The following AGAP1 variants were observed in gnomAD, a reference collection of about 807,000 sequenced individuals.
The protein encoded by AGAP1 is ArfGAP with GTPase domain, ankyrin repeat and PH domain 1, also known as arf-GAP with GTPase, ANK repeat and PH domain-containing protein 1.
A neutral mutation model predicts 105.3 loss-of-function variants in AGAP1; 29 were observed. The observed-to-expected ratio is 0.28, with a 90% confidence interval of 0.21 to 0.38. AGAP1 has a LOEUF of 0.38. AGAP1 is among the 10% of genes least tolerant of loss of function. The probability of loss-of-function intolerance (pLI) is 1.00; values close to 1 mark genes in which losing one functional copy is unlikely to be tolerated. For missense variants in AGAP1, 998 were observed against 1,165.1 expected (o/e 0.86, Z 2.09); for synonymous variants, 509 against 485.9 (o/e 1.05, Z -0.63).
intron 6 of AGAP1, among the ~76,000 whole-genome samples, chr2:235,759,547 C>T (rs1239996775): frequency 6.6e-6 from 1 of 152,180 alleles, no homozygotes; most frequent in Admixed American, 6.5e-5. Context: ...ATCTGACCTG[C>T]CTAGTAGCTT....
Position 235,845,988 on chromosome 2 carries a change from C to A in AGAP1, c.1051-37357C>A, listed in dbSNP as rs941191321. On this transcript the variant is annotated intron_variant, in intron 9 of 17. Coordinates refer to ENST00000304032, the MANE Select transcript of AGAP1 (RefSeq NM_001037131.3). The surrounding 1 kb of genome is among the most constrained non-coding windows in gnomAD (Gnocchi z 4.8). ...GAAATCTTTCCCAGGCCCTCCAGAC[C>A]TCCTGGATGAGGCTTAAATTTTAAA... Among the ~76,000 whole-genome samples the A allele has an allele frequency of 6.6e-6, 1 of 152,054 alleles. No individual in the cohort carries two copies.
intron 9 of AGAP1, among the ~76,000 whole-genome samples, chr2:235,878,065 CGA>C (rs1176744104): frequency 1.3e-5 from 2 of 152,198 alleles, no homozygotes; most frequent in Admixed American, 1.3e-4. Context: ...CGTGGAAACC[CGA>C]GAGTGTGGCC....
chr2:236,127,614 G>A lies in AGAP1; in HGVS notation c.*3492G>A, dbSNP rs1313347861. The stretch of plus-strand genomic sequence containing the variant: ...GCTCCCTCTTCTGAGATTTCACCCA[G>A]CCTGATGAGGCCTGCATGGTTCCGG... On this transcript the variant is annotated 3_prime_UTR_variant, in exon 18 of 18. Transcript: ENST00000304032. This position sits in a 1 kb window ranked among gnomAD's most constrained non-coding sequence, Gnocchi z 6.6. 1 of 152,246 alleles carries A rather than the reference G, an allele frequency of 6.6e-6. No homozygotes were observed. The highest frequency in any genetic ancestry group is 2.4e-5 in the African/African-American group (1 of 41,464). 9.4% of individuals were successfully genotyped at this position (152,246 alleles called of 1,614,324 possible). A position where few individuals can be genotyped will look rare whatever the true frequency, so the allele number is the denominator to read the frequency against.
Position 235,700,038 on chromosome 2 carries a change from C to T in AGAP1, c.164-9141C>T, listed in dbSNP as rs977626079. On this transcript the variant is annotated intron_variant, in intron 1 of 17. Coordinates refer to ENST00000304032, the MANE Select transcript of AGAP1 (RefSeq NM_001037131.3). The surrounding 1 kb of genome is among the most constrained non-coding windows in gnomAD (Gnocchi z 6.1). ...AGCCTGTAGGTTAACAAGCTGGGGCCAGAAGGCTGTACTGCACTGGACCCA... is the reference window on the plus strand; with the variant it reads ...AGCCTGTAGGTTAACAAGCTGGGGCTAGAAGGCTGTACTGCACTGGACCCA... Among the ~76,000 whole-genome samples the T allele has an allele frequency of 6.6e-6, 1 of 152,144 alleles. No individual in the cohort carries two copies. The highest frequency in any genetic ancestry group is 6.5e-5 in the Admixed American group (1 of 15,274).
chr2:235,638,828 C>A (rs1330651103), intron 1 of AGAP1, among the ~76,000 whole-genome samples: 2 of 152,218 alleles, frequency 1.3e-5, no homozygotes, highest in African/African-American at 4.8e-5. Flanking sequence ...CAGGGGTCTT[C>A]AGCCTCAGCA....
chr2:235,647,009 G>A (rs553813169), intron 1 of AGAP1, among the ~76,000 whole-genome samples: 1 of 151,856 alleles, frequency 6.6e-6, no homozygotes, highest in South Asian at 2.1e-4. Flanking sequence ...GGTGGCAGGC[G>A]CCTGTAGTCC....
intron 1 of AGAP1, among the ~76,000 whole-genome samples, chr2:235,595,275 T>C (rs948177342): frequency 1.3e-5 from 2 of 152,106 alleles, no homozygotes; most frequent in African/African-American, 4.8e-5. Flanking sequence ...CTCACCAGTA[T>C]TGGGAGCTGA....
chr2:235,776,959 T>C, intron 6 of AGAP1: 1 of 471,182 alleles, frequency 2.1e-6, no homozygotes, highest in Non-Finnish European at 4.4e-6. Context: ...GTGCTCACCT[T>C]TGCTTCCCTT....
chr2:235,635,872 T>A lies in AGAP1; in HGVS notation c.164-73307T>A, dbSNP rs1044099717. Among the ~76,000 whole-genome samples, 75 of 152,208 alleles carry A rather than the reference T, an allele frequency of 4.9e-4. No individual in the cohort carries two copies. Among genetic ancestry groups the A allele is most frequent in the African/African-American group, 1.7e-3 (69 of 41,532 alleles). On this transcript the variant is annotated intron_variant, in intron 1 of 17. Transcript: ENST00000304032. This position sits in a 1 kb window ranked among gnomAD's most constrained non-coding sequence, Gnocchi z 5.3. ...ACTCATGCCTGTAATCCCAGCACTT[T>A]GGGAGGCTGAGGCAGGTGGATCTTG...
intron 8 of AGAP1, among the ~76,000 whole-genome samples, chr2:235,802,943 A>ATGGTTGTGATG (rs1421738241): frequency 3.2e-4 from 2 of 6,180 alleles, no homozygotes; most frequent in South Asian, 6.6e-3. Flanking sequence ...TGATGGTTGT[A>ATGGTTGTGATG]ATGGTGGTGA....
At chr2:235,534,329 A>T (rs1943139602) in intron 1 of AGAP1, among the ~76,000 whole-genome samples, 1 of 152,096 alleles carries the variant, frequency 6.6e-6, no homozygotes, top group South Asian at 2.1e-4. Context: ...GTTTAATAAG[A>T]GGTCGCTGCT....
chr2:235,570,137 CT>C (rs144240577), intron 1 of AGAP1, among the ~76,000 whole-genome samples: 3,558 of 152,260 alleles, frequency 0.023, 139 homozygotes, highest in African/African-American at 0.081. Context: ...AGGCTTCCCC[CT>C]AGCCTTTGCT....
chr2:236,002,597 T>C lies in AGAP1; in HGVS notation c.1646-33964T>C, dbSNP rs2125522512. On this transcript the variant is annotated intron_variant, in intron 13 of 17. Transcript: ENST00000304032. This position sits in a 1 kb window ranked among gnomAD's most constrained non-coding sequence, Gnocchi z 4.3. ...GAATTACTTCATGCATTCCTGTTCA[T>C]TGGCGGTCTTTGGCCTTTGAGAGTG... Among the ~76,000 whole-genome samples the C allele has an allele frequency of 6.6e-6, 1 of 152,276 alleles. No homozygotes were observed. The highest frequency in any genetic ancestry group is 2.1e-4 in the South Asian group (1 of 4,830).
chr2:235,494,604 C>A lies in AGAP1; in HGVS notation c.-83C>A. 1.5e-6 allele frequency: 1 copy of A among 678,834 alleles called. No individual in the cohort carries two copies. Among genetic ancestry groups the A allele is most frequent in the Non-Finnish European group, 1.8e-6 (1 of 555,732 alleles). 42.1% of individuals were successfully genotyped at this position (678,834 alleles called of 1,614,324 possible). A position where few individuals can be genotyped will look rare whatever the true frequency, so the allele number is the denominator to read the frequency against. On this transcript the variant is annotated 5_prime_UTR_variant, in exon 1 of 18. Coordinates refer to ENST00000304032, the MANE Select transcript of AGAP1 (RefSeq NM_001037131.3). The stretch of plus-strand genomic sequence containing the variant: ...GCCCGGCTCCCCGGGGGCTGCGGCG[C>A]CCCGGGCTCGGCGGCCCGCGGGCCC...
At position 235,754,719 on chromosome 2, in the gene AGAP1, C is replaced by G. The variant is rs972357171; in HGVS notation, c.673+4231C>G. On this transcript the variant is annotated intron_variant, in intron 6 of 17. Coordinates refer to ENST00000304032, the MANE Select transcript of AGAP1 (RefSeq NM_001037131.3). The surrounding 1 kb of genome is among the most constrained non-coding windows in gnomAD (Gnocchi z 4.6). The stretch of plus-strand genomic sequence containing the variant: ...CAGCCTAGCAGGCTGGTTCATCCAC[C>G]CAGTCACTCGTTCATCTGAGCACCA... Among the ~76,000 whole-genome samples, 2 of 152,318 alleles carry G rather than the reference C, an allele frequency of 1.3e-5. No homozygotes were observed. Among genetic ancestry groups the G allele is most frequent in the Admixed American group, 1.3e-4 (2 of 15,306 alleles).
At chr2:235,997,529 T>C (rs2055871958) in intron 13 of AGAP1, among the ~76,000 whole-genome samples, 4 of 152,240 alleles carry the variant, frequency 2.6e-5, no homozygotes, top group Admixed American at 2.6e-4. Flanking sequence ...TTGTGAGGCC[T>C]GGAGCCCTGT....
chr2:235,795,383 G>GT (rs1559497714), intron 6 of AGAP1, among the ~76,000 whole-genome samples: 1 of 152,208 alleles, frequency 6.6e-6, no homozygotes, highest in Non-Finnish European at 1.5e-5. Context: ...CATTGACTCT[G>GT]TAGTCAGTTT....
chr2:236,116,746 C>T (rs1480762431), intron 16 of AGAP1, among the ~76,000 whole-genome samples: 1 of 150,224 alleles, frequency 6.7e-6, no homozygotes, highest in African/African-American at 2.4e-5. Flanking sequence ...ATCCCTCGCC[C>T]CCCTCCCACT....
rs759865056 is a variant in AGAP1 at position 235,565,356 on chromosome 2, GA to G, written c.163+70508del. Among the ~76,000 whole-genome samples, 55 of 152,372 alleles carry G rather than the reference GA, an allele frequency of 3.6e-4. 1 individual carries two copies. Among genetic ancestry groups the G allele is most frequent in the Admixed American group, 2.3e-3 (35 of 15,310 alleles). On this transcript the variant is annotated intron_variant, in intron 1 of 17. Transcript: ENST00000304032. ...TGTCAGCATTTTAAACCAAGGTGAA[GA>G]GGTCCCACTTAGCTTTGTGGTATCT... is the stretch of plus-strand genomic sequence containing the variant.
Sources: allele counts gnomAD v4.1 joint callset (sites outside exome capture counted in the v4.1 genomes callset), GRCh38; gene constraint gnomAD v4.1.1; non-coding constraint Gnocchi (gnomAD v3.1); transcripts MANE v1.5; gene names NCBI Gene and HGNC (gene_info 2026-07-23, HGNC 2026-07-21).